Variants in CELF6 observed in about 807,000 individuals in gnomAD.
CELF6 encodes CUGBP Elav-like family member 6, also known as Bruno -like 6, RNA binding protein.
Under a neutral mutation model 53.1 loss-of-function variants are expected in CELF6, and 32 were observed. The observed-to-expected ratio is 0.60, with a 90% CI of 0.46 to 0.81. The LOEUF (loss-of-function observed/expected upper bound fraction) is 0.81. CELF6 is among the 30% of genes least tolerant of loss of function. The probability of loss-of-function intolerance (pLI) is 0.00; values close to 1 mark genes in which losing one functional copy is unlikely to be tolerated. For synonymous variants in CELF6, 291 were observed against 288.8 expected, an observed-to-expected ratio of 1.01 and a Z score of -0.08; for missense variants, 539 against 669.5, an observed-to-expected ratio of 0.81 and a Z score of 2.15.
At chr15:72,318,210 A>G (rs2088384855) in intron 1 of CELF6, among the ~76,000 whole-genome samples, 1 of 152,196 alleles carries the variant, frequency 6.6e-6, no homozygotes, top group Non-Finnish European at 1.5e-5. Context: ...TACACCCATT[A>G]ACACAATCCC....
Position 72,288,849 on chromosome 15 carries a change from G to C in CELF6, c.1093+19C>G. On this transcript the variant is annotated intron_variant, in intron 9 of 12. Coordinates refer to ENST00000287202, the MANE Select transcript of CELF6 (RefSeq NM_052840.5). The surrounding 1 kb of genome is among the most constrained non-coding windows in gnomAD (Gnocchi z 4.6). ...AGGGCCCTTCAACCTCCCCCAGGCC[G>C]CGTAGCGCCAAGTGAAACCTGCGTA... 6.5e-7 allele frequency: 1 copy of C among 1,549,136 alleles called. No individual in the cohort carries two copies. The highest frequency in any genetic ancestry group is 2.4e-5 in the East Asian group (1 of 40,904).
chr15:72,299,114 A>C (rs2088117333), intron 3 of CELF6, among the ~76,000 whole-genome samples: 1 of 151,868 alleles, frequency 6.6e-6, no homozygotes, highest in African/African-American at 2.4e-5. Flanking sequence ...AGGGTGAGGC[A>C]GGAGAATCTC....
In CELF6 at chr15:72,289,880, A is replaced by AG; in HGVS notation, c.603+58dup. ...CGCGGGGCACCGAGCACACTCGGGG[A>AG]GGAGAAGCCCGTCCCCACCCCACTG... On this transcript the variant is annotated intron_variant, in intron 5 of 12. Coordinates refer to ENST00000287202, the MANE Select transcript of CELF6 (RefSeq NM_052840.5). This position sits in a 1 kb window ranked among gnomAD's most constrained non-coding sequence, Gnocchi z 7.6. 1 of 1,523,588 alleles carries AG rather than the reference A, an allele frequency of 6.6e-7. No homozygotes were observed. Among genetic ancestry groups the AG allele is most frequent in the Non-Finnish European group, 8.8e-7 (1 of 1,137,970 alleles). The allele number at this position is 1,523,588 out of a possible 1,614,324, so 94.4% of individuals were successfully genotyped here.
In CELF6 at chr15:72,299,064, AG is replaced by A. The variant is rs557001502; in HGVS notation, c.394+5681del. On this transcript the variant is annotated intron_variant, in intron 3 of 12. Coordinates refer to ENST00000287202, the MANE Select transcript of CELF6 (RefSeq NM_052840.5). ...TTCTACTAAAAATGCAAAAATTGGCAGGGTGCGGTAGCAGGCGCCTCTAGTT... is the reference window on the plus strand; with the variant it reads ...TTCTACTAAAAATGCAAAAATTGGCAGGTGCGGTAGCAGGCGCCTCTAGTT... 1.9e-3 allele frequency among the ~76,000 whole-genome samples: 291 copies of A among 152,050 alleles called. 3 individuals are homozygous for A. The highest frequency in any genetic ancestry group is 6.4e-3 in the African/African-American group (266 of 41,498).
chr15:72,314,283 T>G (rs910138543), intron 2 of CELF6, among the ~76,000 whole-genome samples: 4 of 152,180 alleles, frequency 2.6e-5, no homozygotes, highest in Admixed American at 2.0e-4. Flanking sequence ...TATTTCTTAT[T>G]ATATTAACTG....
Position 72,287,373 on chromosome 15 carries a change from A to C in CELF6, c.1338T>G (p.Asn446Lys). 1 of 1,614,124 alleles carries C rather than the reference A, an allele frequency of 6.2e-7. No homozygotes were observed. Among genetic ancestry groups the C allele is most frequent in the Non-Finnish European group, 8.5e-7 (1 of 1,179,986 alleles). ...GAATAGCAGTCTGGGCACTAGTTGG[A>C]TTGTCAAAACTAACAAACCCTGGAG... ...SKCFGFVSFD[N>K]PTSAQTAIQA... Residue 446 changes from asparagine to lysine, a missense_variant, in exon 12 of 13, where the codon AAT becomes AAG. Physicochemically the swap from Asn to Lys is moderately conservative, Grantham distance 94. Transcript: ENST00000287202.
At chr15:72,309,087 A>T (rs1567284206) in intron 2 of CELF6, among the ~76,000 whole-genome samples, 2 of 152,168 alleles carry the variant, frequency 1.3e-5, no homozygotes, top group Non-Finnish European at 2.9e-5. Flanking sequence ...TAATTTTTAA[A>T]TTTTTTGTAG....
At position 72,289,217 on chromosome 15, in the gene CELF6, T is replaced by A. The variant is rs923393625; in HGVS notation, c.951A>T (p.Gly317=). Reference sequence around the variant, plus strand: ...TGGTCTGGGGGGTCAGAGGGCCGAATCCATTGACCCCGATGGGCGCCGGAA... The same window carrying A: ...TGGTCTGGGGGGTCAGAGGGCCGAAACCATTGACCCCGATGGGCGCCGGAA... ...PGLPAPIGVN[G]FGPLTPQTNG... Residue 317 remains glycine, a synonymous_variant, in exon 8 of 13, where the codon GGA becomes GGT. Coordinates refer to ENST00000287202, the MANE Select transcript of CELF6 (RefSeq NM_052840.5). The surrounding 1 kb of genome is among the most constrained non-coding windows in gnomAD (Gnocchi z 7.6). 3 of 1,573,120 alleles carry A rather than the reference T, an allele frequency of 1.9e-6. No homozygotes were observed.
chr15:72,309,569 G>A (rs1441607390), intron 2 of CELF6, among the ~76,000 whole-genome samples: 1 of 152,198 alleles, frequency 6.6e-6, no homozygotes, highest in South Asian at 2.1e-4. Context: ...CAGAGTTGGG[G>A]AGAGCAGGGC....
intron 3 of CELF6, 42 bp downstream of exon 3, chr15:72,304,704 T>A: frequency 6.3e-7 from 1 of 1,599,168 alleles, no homozygotes; most frequent in Non-Finnish European, 8.6e-7. Context: ...CACCCTCCCT[T>A]ACACGGGTTG....
chr15:72,318,419 A>G (rs1422838208), intron 1 of CELF6, among the ~76,000 whole-genome samples: 1 of 152,180 alleles, frequency 6.6e-6, no homozygotes. Context: ...TCTCTTAGGA[A>G]GATCATGGAG....
intron 2 of CELF6, among the ~76,000 whole-genome samples, chr15:72,308,895 G>A (rs910087477): frequency 1.3e-4 from 19 of 150,096 alleles, no homozygotes; most frequent in Admixed American, 3.3e-4. Flanking sequence ...TAGTAGAGAC[G>A]GTTTCACCAT....
intron 1 of CELF6, among the ~76,000 whole-genome samples, chr15:72,317,703 T>A (rs569636956): frequency 6.6e-6 from 1 of 152,208 alleles, no homozygotes; most frequent in South Asian, 2.1e-4. Flanking sequence ...CCTTGGAGAG[T>A]TGTGATTTAG....
At chr15:72,298,134 A>C (rs1442731062) in intron 3 of CELF6, among the ~76,000 whole-genome samples, 1 of 152,238 alleles carries the variant, frequency 6.6e-6, no homozygotes, top group African/African-American at 2.4e-5. Context: ...AATATGTCCC[A>C]GTACTATGAA....
intron 2 of CELF6, chr15:72,306,164 G>T: frequency 1.0e-6 from 1 of 974,256 alleles, no homozygotes; most frequent in Non-Finnish European, 1.2e-6. Flanking sequence ...GTGTTGTGGG[G>T]ATCACATGAG....
rs974465424 is a variant in CELF6 at position 72,289,382 on chromosome 15, G to C, written c.873C>G (p.Pro291=). 1 of 1,553,668 alleles carries C rather than the reference G, an allele frequency of 6.4e-7. No homozygotes were observed. The highest frequency in any genetic ancestry group is 2.3e-5 in the East Asian group (1 of 42,580). The change falls in exon 7 of 13, where the codon CCC becomes CCG. Residue 291 remains proline (P), a synonymous_variant. Transcript: ENST00000287202. This position sits in a 1 kb window ranked among gnomAD's most constrained non-coding sequence, Gnocchi z 7.6. The part of the protein sequence containing the change: ...AFSLVAAPLL[P]AAAANSPPGS... ...AGTCCCTGGGGGCCGTACCTGCCGC[G>C]GGCAACAGAGGCGCAGCTACCAGGC...
chr15:72,309,384 A>G (rs2088268956), intron 2 of CELF6, among the ~76,000 whole-genome samples: 1 of 152,220 alleles, frequency 6.6e-6, no homozygotes, highest in African/African-American at 2.4e-5. Context: ...AACAGATTTA[A>G]CAGATGTGTA....
chr15:72,315,162 G>C (rs1430124178), intron 2 of CELF6, among the ~76,000 whole-genome samples: 7 of 152,228 alleles, frequency 4.6e-5, no homozygotes, highest in Admixed American at 6.5e-5. Flanking sequence ...TTGGACAAGA[G>C]AAAACAAGGC....
intron 12 of CELF6, among the ~76,000 whole-genome samples, chr15:72,286,858 G>T (rs2087929003): frequency 6.6e-6 from 1 of 152,182 alleles, no homozygotes; most frequent in African/African-American, 2.4e-5. Flanking sequence ...TCAGGATAAA[G>T]TCCAAACTCA....
Sources: allele counts gnomAD v4.1 joint callset (sites outside exome capture counted in the v4.1 genomes callset), GRCh38; gene constraint gnomAD v4.1.1; non-coding constraint Gnocchi (gnomAD v3.1); transcripts MANE v1.5; gene names NCBI Gene and HGNC (gene_info 2026-07-23, HGNC 2026-07-21).